AVIL: variants seen among roughly 807,000 people sequenced by gnomAD.
The protein encoded by AVIL is advillin.
Under a neutral mutation model 109.9 loss-of-function variants are expected in AVIL, and 78 were observed. The ratio of observed to expected loss-of-function variants is 0.71; its 90% CI spans 0.59 to 0.86. The LOEUF is 0.86. AVIL is among the 40% of genes least tolerant of loss of function. The probability of loss-of-function intolerance (pLI) is 0.00; values close to 1 mark genes in which losing one functional copy is unlikely to be tolerated. For missense variants in AVIL, 892 were observed against 1,016.5 expected (o/e 0.88, Z 1.67); for synonymous variants, 367 against 379.1 (o/e 0.97, Z 0.37).
At position 57,803,587 on chromosome 12, in the gene AVIL, C is replaced by G; in HGVS notation, c.1754G>C (p.Gly585Ala). 1.2e-6 allele frequency: 2 copies of G among 1,614,138 alleles called. No individual in the cohort carries two copies. The highest frequency in any genetic ancestry group is 2.2e-5 in the South Asian group (2 of 91,082). The change falls in exon 15 of 20, where the codon GGC becomes GCC. Residue 585 changes from glycine to alanine, a missense_variant. Gly to Ala is a moderately conservative substitution (Grantham distance 60). Coordinates refer to ENST00000549994, the MANE Select transcript of AVIL (RefSeq NM_006576.4). ...GTCCCAGAACTCGGCTGGCTCCTGGCCCTCGGCCACAGTGTTCTCGCTGCC... is the reference window on the plus strand; with the variant it reads ...GTCCCAGAACTCGGCTGGCTCCTGGGCCTCGGCCACAGTGTTCTCGCTGCC... ...CDGSENTVAE[G>A]QEPAEFWDLL...
Position 57,808,206 on chromosome 12 carries a change from G to A in AVIL, c.1182C>T (p.Asn394=), listed in dbSNP as rs746395529. 4.3e-5 allele frequency: 70 copies of A among 1,614,020 alleles called. 1 individual carries two copies. The Admixed American group carries it at 4.7e-4, about 11-fold the overall frequency. The change falls in exon 11 of 20, where the codon AAC becomes AAT. Residue 394 remains asparagine (N), a synonymous_variant. Coordinates refer to ENST00000549994, the MANE Select transcript of AVIL (RefSeq NM_006576.4). ...AAQERMVDDG[N]GKVEVWRIEN... ...TCATTGGGCTTACCTCAACTTTTCC[G>A]TTGCCATCATCGACCATTCTTTCCT...
At position 57,810,472 on chromosome 12, in the gene AVIL, T is replaced by G; in HGVS notation, c.638A>C (p.Glu213Ala). 6.2e-7 allele frequency: 1 copy of G among 1,614,204 alleles called. No homozygotes were observed. The highest frequency in any genetic ancestry group is 1.1e-5 in the South Asian group (1 of 91,086). ...AKIGVIEGDKEAASPELMKVL... is the reference protein window; with the variant it reads ...AKIGVIEGDKAAASPELMKVL... ...CTTCATCAGCTCTGGGCTGGCTGCC[T>G]CCTTGTCTCCCTCGATCACTCCTAT... The change falls in exon 7 of 20, where the codon GAG (glutamate) becomes GCG (alanine). Residue 213 changes from glutamate to alanine, a missense_variant. Glu to Ala is a moderately radical substitution (Grantham distance 107, BLOSUM62 -1). Transcript: ENST00000549994.
chr12:57,815,121 T>A (rs1037054336), intron 2 of AVIL, among the ~76,000 whole-genome samples: 11 of 152,136 alleles, frequency 7.2e-5, no homozygotes, highest in African/African-American at 2.7e-4. Flanking sequence ...CCCAGCTAAT[T>A]TTTTGTATTT....
chr12:57,806,624 TTATAG>T, intron 13 of AVIL, 85 bp from the exon 14 acceptor site: 2 of 1,476,456 alleles, frequency 1.4e-6, no homozygotes, highest in South Asian at 2.5e-5. Context: ...AACGTGAATG[TTATAG>T]TATTATGTTT....
chr12:57,808,315 A>G (rs779370062), intron 10 of AVIL, 21 bp from the exon 11 acceptor site: 8 of 1,614,178 alleles, frequency 5.0e-6, no homozygotes, highest in Non-Finnish European at 6.8e-6. Flanking sequence ...AGGGTTGGGA[A>G]AAGCCGAGTG....
chr12:57,813,987 A>C (rs572603703), intron 3 of AVIL, among the ~76,000 whole-genome samples, 165 bp downstream of exon 3: 18 of 152,206 alleles, frequency 1.2e-4, no homozygotes, highest in African/African-American at 4.1e-4. Flanking sequence ...AGGCTTAATG[A>C]TGGCCTTTGA....
chr12:57,816,136 G>C (rs1956098996), intron 1 of AVIL, 77 bp from the exon 2 acceptor site: 1 of 1,252,682 alleles, frequency 8.0e-7, no homozygotes, highest in Admixed American at 2.1e-5. Context: ...CTGCCGAGCT[G>C]CTTCCCAGTC....
At chr12:57,815,788 T>C in intron 2 of AVIL, 187 bp downstream of exon 2, 1 of 1,474,220 alleles carries the variant, frequency 6.8e-7, no homozygotes, top group Non-Finnish European at 9.0e-7. Context: ...TTCCTCCACC[T>C]GCCAACCACC....
At chr12:57,811,604 C>T (rs1394746039) in intron 4 of AVIL, among the ~76,000 whole-genome samples, 5 of 152,192 alleles carry the variant, frequency 3.3e-5, no homozygotes, top group African/African-American at 4.8e-5. Context: ...GCCCAGCCTC[C>T]GAGCCAGGGG....
rs1565829567 is a variant in AVIL at position 57,802,169 on chromosome 12, G to A, written c.2142C>T (p.Asn714=). The A allele has an allele frequency of 3.1e-6, 5 of 1,613,816 alleles. No homozygotes were observed. In the African/African-American group the frequency reaches 5.3e-5, roughly 17 times the overall value. ...TACTCTCTTTTCTTACACTCCAAAT[G>A]TTAGGGTCCCAGGCTAGGAACCAGC... ...FTGWFLAWDP[N]IWSAGKTYEQ... Residue 714 remains asparagine, a synonymous_variant, in exon 17 of 20, where the codon AAC becomes AAT. Transcript: ENST00000549994.
Position 57,797,961 on chromosome 12 carries a change from A to G in AVIL, c.2381T>C (p.Phe794Ser), listed in dbSNP as rs897946842. The G allele has an allele frequency of 1.4e-5, 22 of 1,613,188 alleles. No individual in the cohort carries two copies. The highest frequency in any genetic ancestry group is 2.2e-5 in the South Asian group (2 of 90,970). Reference sequence around the variant, plus strand: ...TGCAAATTGCCCTCTTGTGATGCCAAACACAGACACAAAGTCCTGTTCAGA... The same window carrying G: ...TGCAAATTGCCCTCTTGTGATGCCAGACACAGACACAAAGTCCTGTTCAGA... ...YLSEQDFVSV[F>S]GITRGQFAAL... The change falls in exon 20 of 20, where the codon TTT (phenylalanine) becomes TCT (serine). Residue 794 changes from phenylalanine (F) to serine (S), a missense_variant. Physicochemically the swap from Phe to Ser is radical, Grantham distance 155 (BLOSUM62 -2). Coordinates refer to ENST00000549994, the MANE Select transcript of AVIL (RefSeq NM_006576.4).
At chr12:57,815,256 C>T (rs1221105362) in intron 2 of AVIL, among the ~76,000 whole-genome samples, 1 of 152,220 alleles carries the variant, frequency 6.6e-6, no homozygotes, top group Non-Finnish European at 1.5e-5. Context: ...CCCGCCAGTA[C>T]CTGTTAGTTT....
At chr12:57,808,694 A>G (rs141859389) in intron 9 of AVIL, 146 bp from the exon 10 acceptor site, 595 of 970,270 alleles carry the variant, frequency 6.1e-4, no homozygotes, top group Middle Eastern at 6.7e-4. Context: ...ACTTTTGTCT[A>G]AGGACCAAGG....
chr12:57,805,117 G>T (rs907062774), intron 14 of AVIL, among the ~76,000 whole-genome samples: 1 of 152,024 alleles, frequency 6.6e-6, no homozygotes, highest in Non-Finnish European at 1.5e-5. Context: ...GTACAGTGGC[G>T]CAATCTCGGC....
chr12:57,797,803 T>G lies in AVIL; in HGVS notation c.*79A>C. 2 of 1,141,254 alleles carry G rather than the reference T, an allele frequency of 1.8e-6. No homozygotes were observed. The highest frequency in any genetic ancestry group is 2.4e-6 in the Non-Finnish European group (2 of 832,804). 70.7% of individuals were successfully genotyped at this position (1,141,254 alleles called of 1,614,324 possible). ...TAAGTAGCTGAATGTCAGGCAGAAATTGGTGGATAAATTATTTCCTGATAT... is the reference window on the plus strand; with the variant it reads ...TAAGTAGCTGAATGTCAGGCAGAAAGTGGTGGATAAATTATTTCCTGATAT... On this transcript the variant is annotated 3_prime_UTR_variant, in exon 20 of 20. Transcript: ENST00000549994.
chr12:57,816,144 G>C (rs1206580660), intron 1 of AVIL, 85 bp from the exon 2 acceptor site: 46 of 1,168,150 alleles, frequency 3.9e-5, no homozygotes, highest in Non-Finnish European at 5.4e-5. Flanking sequence ...CTGCTTCCCA[G>C]TCTGTTGTCA....
Position 57,810,376 on chromosome 12 carries a change from T to C in AVIL, c.734A>G (p.Lys245Arg), listed in dbSNP as rs757236595. 19 of 1,614,114 alleles carry C rather than the reference T, an allele frequency of 1.2e-5. No homozygotes were observed. The highest frequency in any genetic ancestry group is 1.6e-5 in the Non-Finnish European group (19 of 1,180,052). The change falls in exon 7 of 20, where the codon AAG becomes AGG. Residue 245 changes from lysine (K) to arginine (R), a missense_variant. Transcript: ENST00000549994. ...ATACAACATGATAGTTGATTTCTGC[T>C]TCTGATCTATGATCTCATCAGGGAC... is the stretch of plus-strand genomic sequence containing the variant. ...PTVPDEIIDQ[K>R]QKSTIMLYHI...
rs372949086 is a variant in AVIL at position 57,811,090 on chromosome 12, C to T, written c.376G>A (p.Val126Met). 10 of 1,614,028 alleles carry T rather than the reference C, an allele frequency of 6.2e-6. No individual in the cohort carries two copies. The African/African-American group carries it at 8.0e-5, about 13-fold the overall frequency. ...QGGVASGMKH[V>M]ETNTYDVKRL... is the part of the protein sequence containing the mutation. ...TTCACGTCGTAGGTATTGGTCTCCA[C>T]GTGCTTCATCCCAGAGGCGACACCC... The change falls in exon 5 of 20, where the codon GTG (valine) becomes ATG (methionine). Residue 126 changes from valine to methionine, a missense_variant. Val to Met is a conservative substitution (Grantham distance 21). Transcript: ENST00000549994.
At chr12:57,801,367 A>T in intron 17 of AVIL, 155 bp from the exon 18 acceptor site, 1 of 584,268 alleles carries the variant, frequency 1.7e-6, no homozygotes, top group Non-Finnish European at 3.0e-6. Flanking sequence ...TTTTGGGTCC[A>T]TGCAGGCTTG....
Sources: gnomAD v4.1 joint callset for allele counts (sites outside exome capture counted in the v4.1 genomes callset) on GRCh38, gnomAD v4.1.1 for gene constraint, MANE v1.5 for transcripts, NCBI Gene and HGNC (gene_info 2026-07-23, HGNC 2026-07-21) for gene names.